NSL1: variants seen among roughly 807,000 people sequenced by gnomAD.
NSL1 encodes the protein NSL1 component of MIS12 kinetochore complex, also known as kinetochore-associated protein NSL1 homolog.
NSL1 carries 11 observed loss-of-function variants against 25.4 expected under a neutral mutation model. That is an observed-to-expected ratio of 0.43 (90% CI 0.27 to 0.72). The LOEUF is 0.72. Among genes scored for constraint, NSL1 ranks in the 30% least tolerant of loss-of-function variants. NSL1 has a pLI of 0.19. For synonymous variants in NSL1, 118 were observed against 120.6 expected (o/e 0.98, Z 0.14); for missense variants, 330 against 342.7 (o/e 0.96, Z 0.29).
chr1:212,737,782 A>G lies in NSL1; in HGVS notation c.*626T>C, dbSNP rs760641778. 2.2e-4 allele frequency: 221 copies of G among 985,316 alleles called. No homozygotes were observed. The highest frequency in any genetic ancestry group is 2.7e-4 in the Non-Finnish European group (221 of 829,900). The allele number at this position is 985,316 out of a possible 1,614,324, so 61.0% of individuals were successfully genotyped here. On this transcript the variant is annotated 3_prime_UTR_variant, in exon 6 of 6. Coordinates refer to ENST00000366977, the MANE Select transcript of NSL1 (RefSeq NM_015471.4). ...TTGGCTACATGCCAATTTTTATTTC[A>G]AAGAGTAATGTTGCACAAATAATAG...
Position 212,769,254 on chromosome 1 carries a change from A to G in NSL1, c.499+13118T>C, listed in dbSNP as rs529012661. Reference sequence around the variant, plus strand: ...TTGCAAAAGATATACACATACAGATACAGGAAGCTCAAAATTCTGCAAATA... The same window carrying G: ...TTGCAAAAGATATACACATACAGATGCAGGAAGCTCAAAATTCTGCAAATA... On this transcript the variant is annotated intron_variant, in intron 4 of 5. Transcript: ENST00000366977. 2.6e-5 allele frequency among the ~76,000 whole-genome samples: 4 copies of G among 152,204 alleles called. No homozygotes were observed. In the South Asian group the frequency reaches 8.3e-4, roughly 31 times the overall value.
chr1:212,770,492 AC>A (rs199667499), intron 4 of NSL1, among the ~76,000 whole-genome samples: 43 of 151,552 alleles, frequency 2.8e-4, no homozygotes, highest in Middle Eastern at 6.8e-3. Context: ...AAACAAACAA[AC>A]AAAAAAACCA....
intron 4 of NSL1, among the ~76,000 whole-genome samples, chr1:212,758,773 T>A (rs1303366436): frequency 6.6e-6 from 1 of 152,216 alleles, no homozygotes; most frequent in Non-Finnish European, 1.5e-5. Context: ...AGAAATTGAC[T>A]GACTGATCCC....
chr1:212,786,078 CTTCCT>C (rs1336547072), intron 2 of NSL1, among the ~76,000 whole-genome samples: 1 of 150,340 alleles, frequency 6.7e-6, no homozygotes, highest in Non-Finnish European at 1.5e-5. Flanking sequence ...TTCTCCCTCC[CTTCCT>C]TTCCTTCTTT....
intron 3 of NSL1, 73 bp from the exon 4 acceptor site, chr1:212,782,499 G>A (rs1660771650): frequency 9.6e-7 from 1 of 1,037,478 alleles, no homozygotes; most frequent in Non-Finnish European, 1.5e-6. Flanking sequence ...AGCTAATATG[G>A]GAGATATACT....
chr1:212,774,156 G>A (rs1057383201), intron 4 of NSL1, among the ~76,000 whole-genome samples: 1 of 151,966 alleles, frequency 6.6e-6, no homozygotes, highest in African/African-American at 2.4e-5. Flanking sequence ...TTAGATAGAA[G>A]AATAAGACCC....
At chr1:212,789,507 C>T (rs900776242) in intron 1 of NSL1, among the ~76,000 whole-genome samples, 2 of 152,206 alleles carry the variant, frequency 1.3e-5, no homozygotes, top group African/African-American at 4.8e-5. Context: ...CCATCGCGCC[C>T]GGCCTATGTA....
chr1:212,737,564 T>A lies in NSL1; in HGVS notation c.*844A>T. The A allele has an allele frequency of 1.0e-6, 1 of 971,578 alleles. No individual in the cohort carries two copies. The highest frequency in any genetic ancestry group is 1.2e-6 in the Non-Finnish European group (1 of 817,272). 60.2% of individuals were successfully genotyped at this position (971,578 alleles called of 1,614,324 possible). The stretch of plus-strand genomic sequence containing the variant: ...AGACTTCTCCCAGTGATTATATACC[T>A]GATATATAAACATCTTCAAATGTGA... On this transcript the variant is annotated 3_prime_UTR_variant, in exon 6 of 6. Coordinates refer to ENST00000366977, the MANE Select transcript of NSL1 (RefSeq NM_015471.4).
At chr1:212,758,853 T>C (rs1014195232) in intron 4 of NSL1, among the ~76,000 whole-genome samples, 7 of 152,186 alleles carry the variant, frequency 4.6e-5, no homozygotes, top group African/African-American at 1.7e-4. Context: ...AAGAACAAGG[T>C]TGGAAGACTC....
intron 4 of NSL1, among the ~76,000 whole-genome samples, chr1:212,739,850 A>G (rs1025222560): frequency 1.3e-5 from 2 of 152,208 alleles, no homozygotes; most frequent in African/African-American, 4.8e-5. Flanking sequence ...CCTAAAAGAG[A>G]GTTCAATGTT....
intron 2 of NSL1, 90 bp from the exon 3 acceptor site, chr1:212,784,583 G>A: frequency 1.4e-6 from 1 of 722,136 alleles, no homozygotes; most frequent in Non-Finnish European, 2.0e-6. Flanking sequence ...ACTAAATTTA[G>A]AAAACACAAA....
chr1:212,774,236 G>A (rs1406048976), intron 4 of NSL1, among the ~76,000 whole-genome samples: 1 of 152,122 alleles, frequency 6.6e-6, no homozygotes, highest in Admixed American at 6.5e-5. Context: ...ATAGCTAGAA[G>A]AGAAGATCTG....
At chr1:212,770,377 T>C (rs12088916) in intron 4 of NSL1, among the ~76,000 whole-genome samples, 46,906 of 151,908 alleles carry the variant, frequency 0.31, 8,587 homozygotes, top group Non-Finnish European at 0.4. Context: ...TCAGAGACTA[T>C]TAAAACAGAA....
At chr1:212,768,038 G>T (rs1489477323) in intron 4 of NSL1, among the ~76,000 whole-genome samples, 1 of 151,916 alleles carries the variant, frequency 6.6e-6, no homozygotes, top group Non-Finnish European at 1.5e-5. Flanking sequence ...CTAAAAGCAG[G>T]GCCGGGCACG....
chr1:212,737,889 AG>A lies in NSL1; in HGVS notation c.*518del, dbSNP rs569323829. 19 of 985,388 alleles carry A rather than the reference AG, an allele frequency of 1.9e-5. No individual in the cohort carries two copies. The South Asian group carries it at 8.5e-4, about 44-fold the overall frequency. 61.0% of individuals were successfully genotyped at this position (985,388 alleles called of 1,614,324 possible). On this transcript the variant is annotated 3_prime_UTR_variant, in exon 6 of 6. Transcript: ENST00000366977. ...GCTGAACATGGAGTAACAAAGTCAA[AG>A]CCAGTATTATCATCAGCACATTAAT...
intron 4 of NSL1, among the ~76,000 whole-genome samples, chr1:212,764,296 A>C (rs1242785477): frequency 1.3e-5 from 2 of 152,240 alleles, no homozygotes; most frequent in African/African-American, 4.8e-5. Context: ...AGGAAAGTTC[A>C]CAGTGTTAAA....
chr1:212,770,497 A>C (rs979307671), intron 4 of NSL1, among the ~76,000 whole-genome samples: 6 of 152,122 alleles, frequency 3.9e-5, no homozygotes, highest in Non-Finnish European at 4.4e-5. Context: ...AACAAACAAA[A>C]AAACCAGAAA....
At chr1:212,790,601 T>C (rs1309406961) in intron 1 of NSL1, among the ~76,000 whole-genome samples, 3 of 152,104 alleles carry the variant, frequency 2.0e-5, no homozygotes, top group Non-Finnish European at 2.9e-5. Flanking sequence ...TTGTGAGTTA[T>C]GAATGACCAC....
chr1:212,780,165 A>AT (rs1490969745), intron 4 of NSL1, among the ~76,000 whole-genome samples: 1 of 151,916 alleles, frequency 6.6e-6, no homozygotes, highest in Non-Finnish European at 1.5e-5. Context: ...ACTAAGAAAA[A>AT]TTCTTCGGCC....
Sources: gnomAD v4.1 joint callset for allele counts (sites outside exome capture counted in the v4.1 genomes callset) on GRCh38, gnomAD v4.1.1 for gene constraint, MANE v1.5 for transcripts, NCBI Gene and HGNC (gene_info 2026-07-23, HGNC 2026-07-21) for gene names.